The following MMP16 variants were observed in gnomAD, a reference collection of about 807,000 sequenced individuals.
MMP16 encodes the protein matrix metallopeptidase 16, also known as matrix metalloproteinase-16.
Under a neutral mutation model 67.8 loss-of-function variants are expected in MMP16, and 12 were observed. The ratio of observed to expected loss-of-function variants is 0.18; its 90% CI spans 0.11 to 0.29. The LOEUF (loss-of-function observed/expected upper bound fraction) is 0.29. MMP16 is among the 10% of genes least tolerant of loss of function. The probability of loss-of-function intolerance (pLI) is 1.00; values close to 1 mark genes in which losing one functional copy is unlikely to be tolerated. For missense variants in MMP16, 475 were observed against 765.7 expected (o/e 0.62, Z 4.48); for synonymous variants, 249 against 255.9 (o/e 0.97, Z 0.26).
chr8:88,258,092 C>A (rs969303108), intron 1 of MMP16, among the ~76,000 whole-genome samples: 1 of 150,340 alleles, frequency 6.7e-6, no homozygotes, highest in Admixed American at 6.6e-5. Flanking sequence ...GTCACCCAGG[C>A]TGGAGTGCAG....
intron 6 of MMP16, among the ~76,000 whole-genome samples, chr8:88,092,095 T>C (rs1239030873): frequency 6.6e-6 from 1 of 151,856 alleles, no homozygotes; most frequent in Non-Finnish European, 1.5e-5. Context: ...GCATTAGTGT[T>C]TCTAGAGTCA....
chr8:88,062,551 G>A (rs956243325), intron 7 of MMP16, among the ~76,000 whole-genome samples: 3 of 151,762 alleles, frequency 2.0e-5, no homozygotes, highest in Non-Finnish European at 4.4e-5. Context: ...GCAAACTATC[G>A]CAAGGACAAA....
chr8:88,268,753 CTG>C (rs765295085), intron 1 of MMP16, among the ~76,000 whole-genome samples: 9 of 152,198 alleles, frequency 5.9e-5, no homozygotes, highest in Non-Finnish European at 1.0e-4. Flanking sequence ...TACGGATGCA[CTG>C]TGTGTGTTCC....
chr8:88,232,931 C>T (rs1809884277), intron 1 of MMP16, among the ~76,000 whole-genome samples: 2 of 152,112 alleles, frequency 1.3e-5, no homozygotes, highest in South Asian at 2.1e-4. Flanking sequence ...CTAAGGTCTA[C>T]ATCAAATCAC....
At chr8:88,112,666 G>GGTGTGTGTGTGTGTGTGTGTGT (rs6150692) in intron 6 of MMP16, among the ~76,000 whole-genome samples, 7,411 of 146,802 alleles carry the variant, frequency 0.05, 241 homozygotes, top group Non-Finnish European at 0.06. Flanking sequence ...AGGACAGAAG[G>GGTGTGTGTGTGTGTGTGTGTGT]GTGTGTGTGT....
intron 1 of MMP16, among the ~76,000 whole-genome samples, chr8:88,254,471 GAA>G (rs60959637): frequency 1.5e-5 from 2 of 136,484 alleles, no homozygotes; most frequent in African/African-American, 2.7e-5. Context: ...AGTTAAAAAG[GAA>G]AAAAAAAAAA....
At chr8:88,263,163 GCT>G (rs1810417741) in intron 1 of MMP16, among the ~76,000 whole-genome samples, 1 of 151,848 alleles carries the variant, frequency 6.6e-6, no homozygotes, top group East Asian at 1.9e-4. Flanking sequence ...AACACCCTTT[GCT>G]CTGTGCATTA....
intron 7 of MMP16, among the ~76,000 whole-genome samples, chr8:88,071,447 C>T (rs950578598): frequency 1.3e-5 from 2 of 150,642 alleles, no homozygotes; most frequent in Admixed American, 6.6e-5. Flanking sequence ...CAAAGCTTCT[C>T]AAATATATAA....
chr8:88,117,281 C>T (rs1809452171), intron 5 of MMP16, among the ~76,000 whole-genome samples: 1 of 151,972 alleles, frequency 6.6e-6, no homozygotes, highest in Non-Finnish European at 1.5e-5. Context: ...TCCTCTAAGT[C>T]GTGAATCTAA....
At chr8:88,095,485 C>A (rs1237017473) in intron 6 of MMP16, among the ~76,000 whole-genome samples, 1 of 151,786 alleles carries the variant, frequency 6.6e-6, no homozygotes, top group Non-Finnish European at 1.5e-5. Context: ...AGTTCAGGCA[C>A]AAAGTTGTAG....
rs376847970 is a variant in MMP16, at chr8:88,149,336, C to G, written c.709+18333G>C. 2.3e-3 allele frequency among the ~76,000 whole-genome samples: 354 copies of G among 152,196 alleles called. 1 individual carries two copies. Among genetic ancestry groups the G allele is most frequent in the African/African-American group, 6.9e-3 (287 of 41,510 alleles). On this transcript the variant is annotated intron_variant, in intron 4 of 9. Transcript: ENST00000286614. ...CTTAGGTAAACAAAGCAGCCGGGAA[C>G]CTCGAACTGGGTGGAGCCCACCACA...
intron 3 of MMP16, among the ~76,000 whole-genome samples, chr8:88,168,232 T>C (rs1170422966): frequency 6.6e-6 from 1 of 152,116 alleles, no homozygotes; most frequent in East Asian, 1.9e-4. Flanking sequence ...ATTGGATCAA[T>C]CAGTTACTTT....
intron 1 of MMP16, among the ~76,000 whole-genome samples, chr8:88,226,537 A>C (rs1486518065): frequency 1.3e-5 from 2 of 152,144 alleles, no homozygotes; most frequent in African/African-American, 4.8e-5. Context: ...TGGGTTGTTC[A>C]GTCAAGAAGC....
intron 6 of MMP16, among the ~76,000 whole-genome samples, chr8:88,093,048 G>A (rs1400172630): frequency 6.6e-6 from 1 of 151,782 alleles, no homozygotes; most frequent in Non-Finnish European, 1.5e-5. Flanking sequence ...TTTGCAATGG[G>A]CAATGCAGAC....
At chr8:88,165,333 A>C (rs1186076308) in intron 4 of MMP16, among the ~76,000 whole-genome samples, 1 of 151,942 alleles carries the variant, frequency 6.6e-6, no homozygotes. Flanking sequence ...GGATTTTAAT[A>C]ATTTTAAATT....
At chr8:88,197,448 AAT>A in intron 1 of MMP16, 142 bp from the exon 2 acceptor site, 2 of 621,900 alleles carry the variant, frequency 3.2e-6, no homozygotes, top group Non-Finnish European at 2.4e-6. Context: ...ATCTTTTTGT[AAT>A]ATATATATTA....
At chr8:88,248,821 A>G (rs1810161453) in intron 1 of MMP16, among the ~76,000 whole-genome samples, 1 of 151,898 alleles carries the variant, frequency 6.6e-6, no homozygotes. Context: ...ACTGTTTCCC[A>G]ATTATACTGC....
rs544991889 is a variant in MMP16 at position 88,202,704 on chromosome 8, A to T, written c.133-5398T>A. On this transcript the variant is annotated intron_variant, in intron 1 of 9. Coordinates refer to ENST00000286614, the MANE Select transcript of MMP16 (RefSeq NM_005941.5). The stretch of plus-strand genomic sequence containing the variant: ...ATAAAAGCAAAACACAACCAATGAT[A>T]AACAATAACAAAGCATGTATATGAT... 2.6e-5 allele frequency among the ~76,000 whole-genome samples: 4 copies of T among 152,324 alleles called. No homozygotes were observed. The South Asian group carries it at 8.3e-4, about 32-fold the overall frequency.
intron 1 of MMP16, among the ~76,000 whole-genome samples, chr8:88,260,209 A>T (rs190571456): frequency 1.3e-5 from 2 of 152,318 alleles, no homozygotes; most frequent in East Asian, 3.9e-4. Flanking sequence ...TTCGCACAAA[A>T]AAATTTGAGT....
Sources: allele counts gnomAD v4.1 joint callset (sites outside exome capture counted in the v4.1 genomes callset), GRCh38; gene constraint gnomAD v4.1.1; transcripts MANE v1.5; gene names NCBI Gene and HGNC (gene_info 2026-07-23, HGNC 2026-07-21).